IQSEC1: variants seen among roughly 807,000 people sequenced by gnomAD.
IQSEC1 encodes the protein IQ motif and SEC7 domain-containing protein 1.
Under a neutral mutation model 91.0 loss-of-function variants are expected in IQSEC1, and 31 were observed. The ratio of observed to expected loss-of-function variants is 0.34; its 90% CI spans 0.26 to 0.46. IQSEC1 has a LOEUF of 0.46. IQSEC1 is among the 20% of genes least tolerant of loss of function. The pLI, the probability that IQSEC1 is intolerant of heterozygous loss-of-function variation, is 1.00. For synonymous variants in IQSEC1, 699 were observed against 662.6 expected (o/e 1.05, Z -0.84); for missense variants, 1,388 against 1,575.6 (o/e 0.88, Z 2.02).
Position 12,939,323 on chromosome 3 carries a change from C to T in IQSEC1, c.318+2248G>A, listed in dbSNP as rs540917941. 1.3e-3 allele frequency among the ~76,000 whole-genome samples: 197 copies of T among 152,318 alleles called. 1 individual carries two copies. The highest frequency in any genetic ancestry group is 4.6e-3 in the African/African-American group (190 of 41,568). On this transcript the variant is annotated intron_variant, in intron 2 of 13. Coordinates refer to ENST00000613206, the MANE Select transcript of IQSEC1 (RefSeq NM_001134382.3). ...CAGAAGAGGAACCCGGAAGAATGCCCTTCAGCAAAGCAGAACTGTCACTTC... is the reference window on the plus strand; with the variant it reads ...CAGAAGAGGAACCCGGAAGAATGCCTTTCAGCAAAGCAGAACTGTCACTTC...
chr3:13,227,393 A>AAAAAAAAAAAAG (rs1055638536), intron 1 of IQSEC1, among the ~76,000 whole-genome samples: 17 of 140,894 alleles, frequency 1.2e-4, no homozygotes, highest in African/African-American at 3.0e-4. Flanking sequence ...AAAAAAAAAA[A>AAAAAAAAAAAAG]AAAGAAAGAA....
chr3:13,028,348 CTGTT>C (rs1289197668), intron 1 of IQSEC1, among the ~76,000 whole-genome samples: 2 of 152,248 alleles, frequency 1.3e-5, no homozygotes, highest in Admixed American at 6.5e-5. Flanking sequence ...CGTCTGGCCT[CTGTT>C]TGTCAGCTGT....
At position 12,900,865 on chromosome 3, in the gene IQSEC1, C is replaced by T. The variant is rs1657101383; in HGVS notation, c.*118G>A. 2.0e-6 allele frequency: 3 copies of T among 1,532,014 alleles called. No homozygotes were observed. The highest frequency in any genetic ancestry group is 2.6e-6 in the Non-Finnish European group (3 of 1,144,886). 94.9% of individuals were successfully genotyped at this position (1,532,014 alleles called of 1,614,324 possible). A position where few individuals can be genotyped will look rare whatever the true frequency, so the allele number is the denominator to read the frequency against. ...GGGGCTCCGGTTGGGCCGTGAGGGG[C>T]AGAGGGGAGAGATGGCAACAGAAGT... On this transcript the variant is annotated 3_prime_UTR_variant, in exon 14 of 14. Transcript: ENST00000613206.
intron 2 of IQSEC1, among the ~76,000 whole-genome samples, chr3:13,138,305 AC>A (rs1285155457): frequency 7.1e-6 from 1 of 140,442 alleles, no homozygotes; most frequent in African/African-American, 2.6e-5. Context: ...GAGTCCCTCC[AC>A]TTCGGACCTG....
At chr3:13,200,776 C>A (rs1244540398) in intron 1 of IQSEC1, among the ~76,000 whole-genome samples, 1 of 152,248 alleles carries the variant, frequency 6.6e-6, no homozygotes, top group Non-Finnish European at 1.5e-5. Flanking sequence ...TTCATCAGCT[C>A]TTGATCAGTT....
At chr3:13,119,112 G>A (rs1049934787) in intron 2 of IQSEC1, among the ~76,000 whole-genome samples, 1 of 151,964 alleles carries the variant, frequency 6.6e-6, no homozygotes, top group African/African-American at 2.4e-5. Context: ...TTTTATGTTA[G>A]ATATGTTTTG....
chr3:12,961,140 C>A (rs1009831481), intron 1 of IQSEC1, among the ~76,000 whole-genome samples: 3 of 152,226 alleles, frequency 2.0e-5, no homozygotes, highest in Non-Finnish European at 2.9e-5. Flanking sequence ...CAGCTTTGGG[C>A]CTTATTAGGC....
rs541630621 is a variant in IQSEC1 at position 13,004,884 on chromosome 3, G to T, written c.24-63019C>A. On this transcript the variant is annotated intron_variant, in intron 1 of 13. Transcript: ENST00000613206. The stretch of plus-strand genomic sequence containing the variant: ...ACCAGTAAGCCCTTGACTCCTGGGA[G>T]CTGCTCAGGGACTCCAGCTCCTGGA... 1.1e-4 allele frequency among the ~76,000 whole-genome samples: 16 copies of T among 152,280 alleles called. No individual in the cohort carries two copies. In the South Asian group the frequency reaches 2.5e-3, roughly 24 times the overall value.
intron 1 of IQSEC1, among the ~76,000 whole-genome samples, chr3:13,171,695 A>G (rs1057001914): frequency 2.6e-5 from 4 of 152,160 alleles, no homozygotes; most frequent in African/African-American, 4.8e-5. Flanking sequence ...ATCTATAGAG[A>G]CCCATTCCCT....
At position 12,983,575 on chromosome 3, in the gene IQSEC1, G is replaced by A. The variant is rs1318045486; in HGVS notation, c.24-41710C>T. Among the ~76,000 whole-genome samples, 1 of 152,142 alleles carries A rather than the reference G, an allele frequency of 6.6e-6. No individual in the cohort carries two copies. Among genetic ancestry groups the A allele is most frequent in the Non-Finnish European group, 1.5e-5 (1 of 68,020 alleles). ...GTGATGCCCCAGCCTTGAGCAGGGT[G>A]CCCAGAGGGGGTGCTGAGCCAGCCC... On this transcript the variant is annotated intron_variant, in intron 1 of 13. Coordinates refer to ENST00000613206, the MANE Select transcript of IQSEC1 (RefSeq NM_001134382.3). The surrounding 1 kb of genome is among the most constrained non-coding windows in gnomAD (Gnocchi z 4.3).
chr3:13,092,056 C>T (rs1275414367), intron 2 of IQSEC1, among the ~76,000 whole-genome samples: 1 of 152,122 alleles, frequency 6.6e-6, no homozygotes, highest in Non-Finnish European at 1.5e-5. Context: ...CTAAGCACAG[C>T]TCTTTCTGGG....
chr3:13,266,636 G>A (rs1011707520), intron 1 of IQSEC1, among the ~76,000 whole-genome samples: 13 of 151,748 alleles, frequency 8.6e-5, no homozygotes, highest in Non-Finnish European at 1.5e-4. Flanking sequence ...GGAGAAATAC[G>A]GAAAACCGCT....
intron 2 of IQSEC1, among the ~76,000 whole-genome samples, chr3:13,162,041 G>C (rs2124982001): frequency 6.6e-6 from 1 of 152,290 alleles, no homozygotes; most frequent in Non-Finnish European, 1.5e-5. Context: ...ATGCTTTCCT[G>C]ATGATCCGCT....
At position 13,073,250 on chromosome 3, in the gene IQSEC1, C is replaced by T; in HGVS notation, c.-236G>A. 1.8e-6 allele frequency: 1 copy of T among 571,092 alleles called. No homozygotes were observed. The highest frequency in any genetic ancestry group is 2.1e-5 in the South Asian group (1 of 48,038). 35.4% of individuals were successfully genotyped at this position (571,092 alleles called of 1,614,324 possible). A position where few individuals can be genotyped will look rare whatever the true frequency, so the allele number is the denominator to read the frequency against. ...GCACGTAGCGCGCGCTCACACCGTG[C>T]CCAGGAGCGAGCGAGGACGTCGAGT... On this transcript the variant is annotated 5_prime_UTR_variant, in exon 1 of 14. Coordinates refer to ENST00000613206, the MANE Select transcript of IQSEC1 (RefSeq NM_001134382.3).
intron 1 of IQSEC1, among the ~76,000 whole-genome samples, chr3:13,044,227 C>A (rs1337190191): frequency 6.6e-6 from 1 of 152,228 alleles, no homozygotes; most frequent in East Asian, 1.9e-4. Context: ...CCCCCACCCC[C>A]AGGGACATCT....
intron 1 of IQSEC1, among the ~76,000 whole-genome samples, chr3:13,070,544 C>T (rs1014778495): frequency 2.0e-4 from 31 of 152,144 alleles, no homozygotes; most frequent in African/African-American, 6.8e-4. Context: ...GGGCCTGCCG[C>T]GGGTTCTGGG....
chr3:13,052,965 C>T (rs1704743276), intron 1 of IQSEC1: 2 of 1,155,074 alleles, frequency 1.7e-6, no homozygotes, highest in South Asian at 2.4e-5. Context: ...ATGTGCAATT[C>T]TTTATAGACC....
chr3:12,963,125 A>G (rs547187699), intron 1 of IQSEC1, among the ~76,000 whole-genome samples: 1 of 152,338 alleles, frequency 6.6e-6, no homozygotes, highest in African/African-American at 2.4e-5. Context: ...TATTACTATT[A>G]CTACTGAGCT....
chr3:13,061,320 C>T (rs1320542539), intron 1 of IQSEC1, among the ~76,000 whole-genome samples: 1 of 152,190 alleles, frequency 6.6e-6, no homozygotes, highest in Admixed American at 6.5e-5. Flanking sequence ...AAAAGGATTT[C>T]AGGTTGATCT....
Sources: gnomAD v4.1 joint callset for allele counts (sites outside exome capture counted in the v4.1 genomes callset) on GRCh38, gnomAD v4.1.1 for gene constraint, Gnocchi (gnomAD v3.1) non-coding constraint, MANE v1.5 for transcripts, NCBI Gene and HGNC (gene_info 2026-07-23, HGNC 2026-07-21) for gene names.